Variants in PCDHGA12 observed in about 807,000 individuals in gnomAD.
PCDHGA12 encodes the protein protocadherin gamma-A12.
In PCDHGA12, 43 loss-of-function variants were observed where a neutral mutation model predicts 61.1. The ratio of observed to expected loss-of-function variants is 0.70; its 90% CI spans 0.55 to 0.91. The LOEUF (loss-of-function observed/expected upper bound fraction) is 0.91. Among genes scored for constraint, PCDHGA12 ranks in the 40% least tolerant of loss-of-function variants. PCDHGA12 has a pLI of 0.00. For missense variants in PCDHGA12, 1,236 were observed against 1,227.7 expected (o/e 1.01, Z -0.10); for synonymous variants, 520 against 542.9 (o/e 0.96, Z 0.59).
At chr5:141,460,455 A>G (rs1021070289) in intron 1 of PCDHGA12, among the ~76,000 whole-genome samples, 2 of 152,080 alleles carry the variant, frequency 1.3e-5, no homozygotes, top group African/African-American at 4.8e-5. Context: ...GAAGATTCAT[A>G]TTTTTTTCCA....
At position 141,430,784 on chromosome 5, in the gene PCDHGA12, G is replaced by T; in HGVS notation, c.25G>T (p.Asp9Tyr). The T allele has an allele frequency of 6.6e-7, 1 of 1,512,418 alleles. No homozygotes were observed. The highest frequency in any genetic ancestry group is 2.3e-5 in the East Asian group (1 of 43,520). 93.7% of individuals were successfully genotyped at this position (1,512,418 alleles called of 1,614,324 possible). ...AATGATTCCTGCGCGACTGCACCGG[G>T]ACTACAAAGGGCTTGTCCTGCTGGG... MIPARLHR[D>Y]YKGLVLLGIL... Residue 9 changes from aspartate to tyrosine, a missense_variant, in exon 1 of 4, where the codon GAC becomes TAC. Coordinates refer to ENST00000252085, the MANE Select transcript of PCDHGA12 (RefSeq NM_003735.3).
At chr5:141,443,792 A>G (rs540226154) in intron 1 of PCDHGA12, among the ~76,000 whole-genome samples, 67 of 152,366 alleles carry the variant, frequency 4.4e-4, no homozygotes, top group African/African-American at 1.4e-3. Flanking sequence ...AAAAAAAATG[A>G]AAAGGAAACA....
In PCDHGA12 at chr5:141,477,806, G is replaced by T; in HGVS notation, c.2425-17001G>T. ...ATTTGTCACTGATCGCAATGACAAT[G>T]CCCCCCAGGTCCTATATCCTCGGCC... On this transcript the variant is annotated intron_variant, in intron 1 of 3. Coordinates refer to ENST00000252085, the MANE Select transcript of PCDHGA12 (RefSeq NM_003735.3). The surrounding 1 kb of genome is among the most constrained non-coding windows in gnomAD (Gnocchi z 4.9). 6.2e-7 allele frequency: 1 copy of T among 1,614,118 alleles called. No homozygotes were observed. The highest frequency in any genetic ancestry group is 8.5e-7 in the Non-Finnish European group (1 of 1,180,036).
chr5:141,500,188 A>T (rs182086759), intron 2 of PCDHGA12, among the ~76,000 whole-genome samples: 173 of 98,190 alleles, frequency 1.8e-3, no homozygotes, highest in African/African-American at 4.0e-3. Flanking sequence ...TTTTATTTTT[A>T]TTTATTTATT....
chr5:141,491,544 C>G lies in PCDHGA12; in HGVS notation c.2425-3263C>G, dbSNP rs546391464. The G allele has an allele frequency of 1.1e-5, 17 of 1,614,018 alleles. No individual in the cohort carries two copies. In the Admixed American group the frequency reaches 1.8e-4, roughly 17 times the overall value. Reference sequence around the variant, plus strand: ...TGGAGGTGACGCTGCGGCCCACAGACTCGCAGAGCCACTGCTACAGGACGT... The same window carrying G: ...TGGAGGTGACGCTGCGGCCCACAGAGTCGCAGAGCCACTGCTACAGGACGT... On this transcript the variant is annotated intron_variant, in intron 1 of 3. Transcript: ENST00000252085. The surrounding 1 kb of genome is among the most constrained non-coding windows in gnomAD (Gnocchi z 6.9).
At chr5:141,463,176 C>T (rs989201395) in intron 1 of PCDHGA12, among the ~76,000 whole-genome samples, 2 of 152,100 alleles carry the variant, frequency 1.3e-5, no homozygotes, top group African/African-American at 4.8e-5. Context: ...TATGTATGCT[C>T]AGATTATTAT....
chr5:141,494,546 G>T (rs984336435), intron 1 of PCDHGA12, among the ~76,000 whole-genome samples: 1 of 152,152 alleles, frequency 6.6e-6, no homozygotes, highest in African/African-American at 2.4e-5. Context: ...GGAGGAAGGG[G>T]CCATTTCTTT....
At chr5:141,466,279 T>A (rs1386803685) in intron 1 of PCDHGA12, among the ~76,000 whole-genome samples, 1 of 152,144 alleles carries the variant, frequency 6.6e-6, no homozygotes, top group Non-Finnish European at 1.5e-5. Flanking sequence ...CAAGCAATCT[T>A]CCCACCTCAG....
At chr5:141,442,689 G>A (rs966261716) in intron 1 of PCDHGA12, among the ~76,000 whole-genome samples, 1 of 152,238 alleles carries the variant, frequency 6.6e-6, no homozygotes, top group South Asian at 2.1e-4. Context: ...CAGTAGTCAG[G>A]CAGACAAGAG....
chr5:141,484,750 G>GTATA (rs545232987), intron 1 of PCDHGA12, among the ~76,000 whole-genome samples: 1 of 149,818 alleles, frequency 6.7e-6, no homozygotes, highest in Non-Finnish European at 1.5e-5. Context: ...GAAAAAAAAT[G>GTATA]TATATATATA....
At chr5:141,450,888 G>C (rs1038570371) in intron 1 of PCDHGA12, among the ~76,000 whole-genome samples, 27 of 145,380 alleles carry the variant, frequency 1.9e-4, no homozygotes, top group Non-Finnish European at 3.9e-4. Flanking sequence ...GCAGTGGTGC[G>C]ATATCGGCTC....
chr5:141,435,807 T>A (rs2097781241), intron 1 of PCDHGA12, among the ~76,000 whole-genome samples: 1 of 152,040 alleles, frequency 6.6e-6, no homozygotes, highest in South Asian at 2.1e-4. Context: ...CCCAATTATT[T>A]TTTCTTTCTT....
Position 141,486,986 on chromosome 5 carries a change from T to C in PCDHGA12, c.2425-7821T>C. Reference sequence around the variant, plus strand: ...GGACTTGGATTCAGGTTACAATGCTTGGGTTTCCTATCAGCTCCTGGAGGC... The same window carrying C: ...GGACTTGGATTCAGGTTACAATGCTCGGGTTTCCTATCAGCTCCTGGAGGC... On this transcript the variant is annotated intron_variant, in intron 1 of 3. Coordinates refer to ENST00000252085, the MANE Select transcript of PCDHGA12 (RefSeq NM_003735.3). The surrounding 1 kb of genome is among the most constrained non-coding windows in gnomAD (Gnocchi z 5.0). 6.2e-7 allele frequency: 1 copy of C among 1,614,214 alleles called. No homozygotes were observed. Among genetic ancestry groups the C allele is most frequent in the South Asian group, 1.1e-5 (1 of 91,088 alleles).
rs111263562 is a variant in PCDHGA12, at chr5:141,487,812, T to C, written c.2425-6995T>C. The C allele has an allele frequency of 1.1e-4, 148 of 1,408,204 alleles. 1 individual carries two copies. Among genetic ancestry groups the C allele is most frequent in the South Asian group, 1.6e-4 (12 of 73,988 alleles). The allele number at this position is 1,408,204 out of a possible 1,614,324, so 87.2% of individuals were successfully genotyped here. On this transcript the variant is annotated intron_variant, in intron 1 of 3. Coordinates refer to ENST00000252085, the MANE Select transcript of PCDHGA12 (RefSeq NM_003735.3). The surrounding 1 kb of genome is among the most constrained non-coding windows in gnomAD (Gnocchi z 5.0). ...TAACCAGAGTTGTCACAGTTTAGCA[T>C]TGGGGGCGGGTCATGCCTATATCTG...
At chr5:141,497,768 G>A (rs920949258) in intron 2 of PCDHGA12, among the ~76,000 whole-genome samples, 8 of 152,070 alleles carry the variant, frequency 5.3e-5, no homozygotes, top group East Asian at 1.9e-4. Flanking sequence ...CAAACTCCCC[G>A]ACCTCAACTG....
At position 141,431,423 on chromosome 5, in the gene PCDHGA12, C is replaced by T; in HGVS notation, c.664C>T (p.Arg222Cys). The T allele has an allele frequency of 3.1e-6, 5 of 1,613,670 alleles. No individual in the cohort carries two copies. Among genetic ancestry groups the T allele is most frequent in the Non-Finnish European group, 4.2e-6 (5 of 1,180,030 alleles). ...LTASDGGDPVRTGTARIRVMV... is the reference protein window; with the variant it reads ...LTASDGGDPVCTGTARIRVMV... ...GGCCTCCGACGGGGGCGACCCGGTG[C>T]GCACAGGCACCGCGCGCATCCGCGT... The change falls in exon 1 of 4, where the codon CGC (arginine) becomes TGC (cysteine). Residue 222 changes from arginine (R) to cysteine (C), a missense_variant. Coordinates refer to ENST00000252085, the MANE Select transcript of PCDHGA12 (RefSeq NM_003735.3). This position sits in a 1 kb window ranked among gnomAD's most constrained non-coding sequence, Gnocchi z 4.8.
At position 141,476,978 on chromosome 5, in the gene PCDHGA12, C is replaced by T; in HGVS notation, c.2425-17829C>T. 2 of 1,614,256 alleles carry T rather than the reference C, an allele frequency of 1.2e-6. No homozygotes were observed. Among genetic ancestry groups the T allele is most frequent in the Non-Finnish European group, 1.7e-6 (2 of 1,180,058 alleles). ...TATTTACTCCTTCGGCAGCCACAAC[C>T]GCGCCGGCGTGCGGCAACTATTCGC... On this transcript the variant is annotated intron_variant, in intron 1 of 3. Coordinates refer to ENST00000252085, the MANE Select transcript of PCDHGA12 (RefSeq NM_003735.3). This position sits in a 1 kb window ranked among gnomAD's most constrained non-coding sequence, Gnocchi z 7.6.
intron 1 of PCDHGA12, chr5:141,475,974 A>G: frequency 1.0e-6 from 1 of 975,714 alleles, no homozygotes; most frequent in Non-Finnish European, 1.5e-6. Flanking sequence ...GCAGAGACTG[A>G]ACAGCCGGCG....
intron 1 of PCDHGA12, among the ~76,000 whole-genome samples, chr5:141,458,215 T>C (rs2098940075): frequency 1.3e-5 from 2 of 152,174 alleles, no homozygotes; most frequent in African/African-American, 2.4e-5. Context: ...TTAAAATAAG[T>C]TTCCTTTCCC....
Sources: allele counts gnomAD v4.1 joint callset (sites outside exome capture counted in the v4.1 genomes callset), GRCh38; gene constraint gnomAD v4.1.1; non-coding constraint Gnocchi (gnomAD v3.1); transcripts MANE v1.5; gene names NCBI Gene and HGNC (gene_info 2026-07-23, HGNC 2026-07-21).